GREP1: variants seen among roughly 807,000 people sequenced by gnomAD.
GREP1 encodes glycine-rich extracellular protein 1.
At chr16:3,000,587 C>G (rs1360761725) in exon 32 of GREP1, 5 of 398,842 alleles carry the variant, frequency 1.3e-5, no homozygotes, top group African/African-American at 4.1e-5. Flanking sequence ...TACCCCAAAG[C>G]AGCAGCTCTA....
chr16:2,997,976 G>C, intron 23 of GREP1, 141 bp downstream of exon 21: 1 of 354,868 alleles, frequency 2.8e-6, no homozygotes, highest in East Asian at 4.3e-5. Context: ...AAGGAGCCCA[G>C]CCAGGTGAGG....
At chr16:2,990,657 G>C (rs1389264739) in intron 7 of GREP1, 70 bp downstream of exon 6, 1 of 398,678 alleles carries the variant, frequency 2.5e-6, no homozygotes, top group Non-Finnish European at 4.4e-6. Flanking sequence ...TGATACTGTG[G>C]GGGAGGGAAT....
intron 26 of GREP1, 130 bp downstream of exon 24, chr16:2,999,109 A>G: frequency 5.0e-6 from 2 of 398,614 alleles, no homozygotes; most frequent in Non-Finnish European, 4.4e-6. Flanking sequence ...CTTGTCACAC[A>G]GTGATCTGCT....
At chr16:2,996,408 T>G (rs1245752852) in intron 18 of GREP1, 88 bp from the exon 18 acceptor site, 1 of 397,762 alleles carries the variant, frequency 2.5e-6, no homozygotes, top group Non-Finnish European at 4.4e-6. Context: ...CCCAGGGCCC[T>G]GGGCCCCCGC....
Position 2,994,799 on chromosome 16 carries a change from C to T in GREP1, c.416-7C>T. 2.5e-6 allele frequency: 1 copy of T among 399,204 alleles called. No individual in the cohort carries two copies. Among genetic ancestry groups the T allele is most frequent in the Non-Finnish European group, 4.4e-6 (1 of 226,202 alleles). The allele number at this position is 399,204 out of a possible 1,614,324, so 24.7% of individuals were successfully genotyped here. On this transcript the variant is annotated splice_polypyrimidine_tract_variant and splice_region_variant and intron_variant, in intron 11 of 34. Transcript: ENST00000573315. ...GGTTCCTCACCTGCTCCCTGTCTCT[C>T]CACCAGGCTATGTGGGGGCCGTCAA...
intron 33 of GREP1, among the ~76,000 whole-genome samples, 158 bp downstream of exon 27, chr16:3,000,985 G>A (rs1208631448): frequency 6.6e-6 from 1 of 152,124 alleles, no homozygotes; most frequent in African/African-American, 2.4e-5. Flanking sequence ...GAGGGCATAG[G>A]CAGGAAGGAG....
At chr16:2,990,174 G>A (rs1445870544) in intron 5 of GREP1, 52 bp downstream of exon 5, 2 of 398,128 alleles carry the variant, frequency 5.0e-6, no homozygotes, top group Non-Finnish European at 8.9e-6. Flanking sequence ...TCAGACGGAA[G>A]AGGCAGGATT....
intron 31 of GREP1, 190 bp from the exon 27 acceptor site, chr16:3,000,524 C>G (rs1188222378): frequency 7.5e-6 from 3 of 399,046 alleles, no homozygotes; most frequent in Non-Finnish European, 1.3e-5. Flanking sequence ...AGCCCAGGGG[C>G]TAGGCGGGAA....
intron 23 of GREP1, 83 bp from the exon 22 acceptor site, chr16:2,998,273 G>A (rs2072437465): frequency 2.5e-6 from 1 of 398,846 alleles, no homozygotes; most frequent in Admixed American, 4.4e-5. Flanking sequence ...ACGGGGCTAG[G>A]GGGATCAGCA....
chr16:2,990,480 A>T (rs1372475438), exon 6 of GREP1: 1 of 399,274 alleles, frequency 2.5e-6, no homozygotes. Flanking sequence ...TGAAACCCCA[A>T]AACCTAGGTG....
chr16:2,999,479 C>CTTTTT (rs35368761), intron 27 of GREP1, among the ~76,000 whole-genome samples: 3 of 75,532 alleles, frequency 4.0e-5, no homozygotes, highest in Non-Finnish European at 7.1e-5. Context: ...CCCTCTTGCT[C>CTTTTT]TTTTTTTTTT....
intron 10 of GREP1, 171 bp downstream of exon 11, chr16:2,993,134 C>T: frequency 2.6e-6 from 1 of 392,012 alleles, no homozygotes; most frequent in Non-Finnish European, 4.5e-6. Context: ...CAGGTAAGGC[C>T]CTGGAGTTCT....
Position 2,994,484 on chromosome 16 carries a change from G to C in GREP1, c.386-214G>C, listed in dbSNP as rs547070323. On this transcript the variant is annotated intron_variant, in intron 10 of 34. Coordinates refer to ENST00000573315, the Ensembl canonical transcript of GREP1. ...AGATCACGCCATTGCTCTCCAGCCT[G>C]GGCAACAAGAGCGAGACTCCATCTC... The C allele has an allele frequency of 1.1e-3, 407 of 374,092 alleles. 1 individual carries two copies. In the South Asian group the frequency reaches 0.012, roughly 11 times the overall value. The allele number at this position is 374,092 out of a possible 1,614,324, so 23.2% of individuals were successfully genotyped here. A position where few individuals can be genotyped will look rare whatever the true frequency, so the allele number is the denominator to read the frequency against.
chr16:2,993,002 T>C (rs1186949361), intron 10 of GREP1, 39 bp downstream of exon 11: 1 of 398,650 alleles, frequency 2.5e-6, no homozygotes, highest in Non-Finnish European at 4.4e-6. Context: ...GCCCATTTCC[T>C]ATGCATCTGC....
intron 27 of GREP1, among the ~76,000 whole-genome samples, chr16:2,999,451 A>C (rs2072446244): frequency 6.7e-6 from 1 of 149,570 alleles, no homozygotes; most frequent in Non-Finnish European, 1.5e-5. Flanking sequence ...AAGGCCAGGA[A>C]GTCCCTCCCC....
chr16:2,999,908 A>G (rs1199356470), exon 28 of GREP1: 1 of 398,950 alleles, frequency 2.5e-6, no homozygotes, highest in Non-Finnish European at 4.4e-6. Flanking sequence ...ACAGGGCACC[A>G]GCCTCCAAAT....
Position 2,989,454 on chromosome 16 carries a change from T to TG in GREP1, c.101-65dup, listed in dbSNP as rs1230827126. On this transcript the variant is annotated intron_variant, in intron 2 of 34. Transcript: ENST00000573315. This position sits in a 1 kb window ranked among gnomAD's most constrained non-coding sequence, Gnocchi z 4.2. ...CTGGTAAAGCTGGTGGCGGGGTGCT[T>TG]GGGGAGGGTGGCACACCGGCTCCCA... The TG allele has an allele frequency of 2.5e-6, 1 of 398,926 alleles. No homozygotes were observed. Among genetic ancestry groups the TG allele is most frequent in the Admixed American group, 4.4e-5 (1 of 22,712 alleles). 24.7% of individuals were successfully genotyped at this position (398,926 alleles called of 1,614,324 possible).
intron 5 of GREP1, 148 bp downstream of exon 5, chr16:2,990,270 A>G: frequency 2.5e-6 from 1 of 397,048 alleles, no homozygotes; most frequent in Non-Finnish European, 4.4e-6. Flanking sequence ...AGGGTCTTGT[A>G]CCCCCACCTC....
At chr16:2,996,989 G>C (rs1269527984) in exon 21 of GREP1, 2 of 399,250 alleles carry the variant, frequency 5.0e-6, no homozygotes, top group Non-Finnish European at 8.8e-6. Context: ...GGGCAGGGCT[G>C]GGGTTCCAGG....
Sources: allele counts gnomAD v4.1 joint callset (sites outside exome capture counted in the v4.1 genomes callset), GRCh38; gene constraint gnomAD v4.1.1; non-coding constraint Gnocchi (gnomAD v3.1); transcripts MANE v1.5; gene names NCBI Gene and HGNC (gene_info 2026-07-23, HGNC 2026-07-21).